TBC1D5: variants seen among roughly 807,000 people sequenced by gnomAD.
TBC1D5 encodes TBC1 domain family, member 5.
A neutral mutation model predicts 100.3 loss-of-function variants in TBC1D5; 75 were observed. The ratio of observed to expected loss-of-function variants is 0.75; its 90% CI spans 0.62 to 0.91. The LOEUF (loss-of-function observed/expected upper bound fraction) is 0.91, where lower values mean the gene tolerates loss of function less well. TBC1D5 is among the 40% of genes least tolerant of loss of function. The pLI, the probability that TBC1D5 is intolerant of heterozygous loss-of-function variation, is 0.00. For missense variants in TBC1D5, 910 were observed against 942.4 expected, an observed-to-expected ratio of 0.97 and a Z score of 0.45; for synonymous variants, 323 against 325.6, an observed-to-expected ratio of 0.99 and a Z score of 0.09.
At chr3:17,713,139 A>G (rs1322188564) in intron 1 of TBC1D5, among the ~76,000 whole-genome samples, 2 of 152,146 alleles carry the variant, frequency 1.3e-5, no homozygotes, top group Non-Finnish European at 2.9e-5. Flanking sequence ...AGTTTTAAAT[A>G]TAGGTACTTC....
At chr3:17,636,591 A>C (rs1390197473) in intron 1 of TBC1D5, among the ~76,000 whole-genome samples, 1 of 152,096 alleles carries the variant, frequency 6.6e-6, no homozygotes, top group Non-Finnish European at 1.5e-5. Context: ...GGAGACCGAG[A>C]CCATCCTGGC....
chr3:17,537,943 G>A (rs1340229323), intron 2 of TBC1D5, among the ~76,000 whole-genome samples: 4 of 152,202 alleles, frequency 2.6e-5, no homozygotes, highest in Non-Finnish European at 2.9e-5. Flanking sequence ...TGTGTCCAAG[G>A]TGGTCAGGCT....
chr3:17,393,617 A>G (rs1232036372), intron 8 of TBC1D5, among the ~76,000 whole-genome samples: 1 of 152,188 alleles, frequency 6.6e-6, no homozygotes, highest in Non-Finnish European at 1.5e-5. Context: ...TACTGGTACC[A>G]AAACAGATAT....
At chr3:17,687,107 T>C (rs2153820591) in intron 1 of TBC1D5, among the ~76,000 whole-genome samples, 3 of 152,276 alleles carry the variant, frequency 2.0e-5, no homozygotes, top group African/African-American at 7.2e-5. Context: ...CTGCTCCATT[T>C]TTCTCTAAAG....
chr3:17,212,033 A>T (rs1157197607), intron 18 of TBC1D5, among the ~76,000 whole-genome samples: 1 of 152,220 alleles, frequency 6.6e-6, no homozygotes, highest in Non-Finnish European at 1.5e-5. Context: ...CAGATAGAGA[A>T]CATGATATTC....
At chr3:17,509,879 C>A (rs2095883583) in intron 2 of TBC1D5, among the ~76,000 whole-genome samples, 1 of 151,946 alleles carries the variant, frequency 6.6e-6, no homozygotes, top group Admixed American at 6.6e-5. Flanking sequence ...TCAATTCTCA[C>A]TTATATAAAT....
At chr3:17,638,798 C>T (rs1490678161) in intron 1 of TBC1D5, among the ~76,000 whole-genome samples, 2 of 151,724 alleles carry the variant, frequency 1.3e-5, no homozygotes, top group Non-Finnish European at 2.9e-5. Flanking sequence ...ATGGATAAAT[C>T]TTAAAAATAA....
At chr3:17,561,605 A>G (rs976000755) in intron 2 of TBC1D5, among the ~76,000 whole-genome samples, 1 of 152,148 alleles carries the variant, frequency 6.6e-6, no homozygotes, top group African/African-American at 2.4e-5. Context: ...ATAATATAAT[A>G]CCAGGCCTCA....
intron 3 of TBC1D5, among the ~76,000 whole-genome samples, chr3:17,505,556 A>T (rs2095836482): frequency 6.6e-6 from 1 of 152,144 alleles, no homozygotes; most frequent in African/African-American, 2.4e-5. Flanking sequence ...TTCTCTCATC[A>T]CTGATGACAT....
At chr3:17,371,993 T>G (rs2092482264) in intron 13 of TBC1D5, 82 bp downstream of exon 13, 2 of 1,355,322 alleles carry the variant, frequency 1.5e-6, no homozygotes. Context: ...GCCAAGATCA[T>G]GCCACTGCAC....
chr3:17,214,301 C>T, exon 18 of TBC1D5: 1 of 1,613,054 alleles, frequency 6.2e-7, no homozygotes, highest in Non-Finnish European at 8.5e-7. Flanking sequence ...AGGTGGAGAG[C>T]CAGTGAATTC....
intron 2 of TBC1D5, among the ~76,000 whole-genome samples, chr3:17,592,706 C>G (rs1268613065): frequency 1.3e-5 from 2 of 152,152 alleles, no homozygotes; most frequent in Non-Finnish European, 2.9e-5. Flanking sequence ...GCCATATGAC[C>G]CAGCAGATCC....
At position 17,711,954 on chromosome 3, in the gene TBC1D5, C is replaced by G. The variant is rs6809901; in HGVS notation, c.-101+27389G>C. On this transcript the variant is annotated intron_variant, in intron 1 of 21. Transcript: ENST00000253692. ...AACTGTCTTTACTTTATTACAAAGACAAGTTATTAAAATTTGAAAGCCAGT... is the reference window on the plus strand; with the variant it reads ...AACTGTCTTTACTTTATTACAAAGAGAAGTTATTAAAATTTGAAAGCCAGT... Among the ~76,000 whole-genome samples the G allele has an allele frequency of 2.7e-3, 407 of 152,276 alleles. 2 individuals carry two copies. The highest frequency in any genetic ancestry group is 9.3e-3 in the African/African-American group (386 of 41,564).
chr3:17,629,449 A>C (rs1560321864), intron 1 of TBC1D5, among the ~76,000 whole-genome samples: 1 of 152,218 alleles, frequency 6.6e-6, no homozygotes. Context: ...TTAATTCTTT[A>C]GTATAAAATA....
intron 13 of TBC1D5, among the ~76,000 whole-genome samples, chr3:17,316,989 TG>T (rs1355678134): frequency 6.6e-6 from 1 of 152,174 alleles, no homozygotes; most frequent in Non-Finnish European, 1.5e-5. Flanking sequence ...TAATCATTAA[TG>T]GAAAAAATTA....
At chr3:17,544,651 A>C (rs796679244) in intron 2 of TBC1D5, among the ~76,000 whole-genome samples, 2 of 131,136 alleles carry the variant, frequency 1.5e-5, no homozygotes, top group African/African-American at 6.7e-5. Flanking sequence ...ACTCCGTCTG[A>C]AAAAAAAAAA....
chr3:17,206,631 T>A (rs977463525), intron 18 of TBC1D5, among the ~76,000 whole-genome samples: 1 of 152,156 alleles, frequency 6.6e-6, no homozygotes, highest in Non-Finnish European at 1.5e-5. Context: ...ACAGGGGTCA[T>A]AAAGACACAG....
chr3:17,196,129 C>T (rs1259207514), intron 18 of TBC1D5, among the ~76,000 whole-genome samples: 1 of 152,198 alleles, frequency 6.6e-6, no homozygotes, highest in Non-Finnish European at 1.5e-5. Context: ...CAAGCGCCTG[C>T]AAGAGCCTTA....
At chr3:17,291,616 A>G (rs537917068) in intron 15 of TBC1D5, among the ~76,000 whole-genome samples, 1 of 152,280 alleles carries the variant, frequency 6.6e-6, no homozygotes, top group South Asian at 2.1e-4. Context: ...TTCCTCAACT[A>G]TTTCCTTGAC....
Sources: allele counts gnomAD v4.1 joint callset (sites outside exome capture counted in the v4.1 genomes callset), GRCh38; gene constraint gnomAD v4.1.1; transcripts MANE v1.5; gene names NCBI Gene and HGNC (gene_info 2026-07-23, HGNC 2026-07-21).